KSR2: variants seen among roughly 807,000 people sequenced by gnomAD.
KSR2 encodes kinase suppressor of ras 2.
In KSR2, 25 loss-of-function variants were observed where a neutral mutation model predicts 107.8. The ratio of observed to expected loss-of-function variants is 0.23; its 90% CI spans 0.17 to 0.32. The LOEUF is 0.32. Among genes scored for constraint, KSR2 ranks in the 10% least tolerant of loss-of-function variants. The pLI, the probability that KSR2 is intolerant of heterozygous loss-of-function variation, is 1.00. For synonymous variants in KSR2, 480 were observed against 507.0 expected, an observed-to-expected ratio of 0.95 and a Z score of 0.71; for missense variants, 887 against 1,268.9, an observed-to-expected ratio of 0.70 and a Z score of 4.57.
At chr12:117,666,558 A>G (rs1034358650) in intron 5 of KSR2, among the ~76,000 whole-genome samples, 2 of 152,216 alleles carry the variant, frequency 1.3e-5, no homozygotes, top group African/African-American at 2.4e-5. Flanking sequence ...CAATGGGAAT[A>G]ATCCATCTGC....
chr12:117,664,627 A>C (rs1050410100), intron 5 of KSR2, among the ~76,000 whole-genome samples: 2 of 152,122 alleles, frequency 1.3e-5, no homozygotes, highest in South Asian at 4.2e-4. Context: ...GCCTAGGAAA[A>C]CTCAGTGGCT....
At chr12:117,772,138 C>T (rs1181678726) in intron 3 of KSR2, among the ~76,000 whole-genome samples, 1 of 149,316 alleles carries the variant, frequency 6.7e-6, no homozygotes. Context: ...TACACTCATA[C>T]ATACACACCA....
intron 5 of KSR2, among the ~76,000 whole-genome samples, chr12:117,642,720 G>A (rs947293383): frequency 6.6e-6 from 1 of 152,198 alleles, no homozygotes; most frequent in African/African-American, 2.4e-5. Flanking sequence ...CTGATCTTGT[G>A]ATGACTGAAC....
chr12:117,685,063 T>C (rs1199592064), intron 4 of KSR2, among the ~76,000 whole-genome samples: 1 of 152,164 alleles, frequency 6.6e-6, no homozygotes, highest in Admixed American at 6.5e-5. Context: ...CAATGCTGCC[T>C]CTGCCCCATG....
At chr12:117,740,933 T>C (rs1346257020) in intron 4 of KSR2, among the ~76,000 whole-genome samples, 1 of 152,142 alleles carries the variant, frequency 6.6e-6, no homozygotes, top group East Asian at 1.9e-4. Context: ...GCAGATCTTC[T>C]TGGGGGAATC....
chr12:117,902,095 T>G (rs1593354612), intron 1 of KSR2, among the ~76,000 whole-genome samples: 1 of 152,328 alleles, frequency 6.6e-6, no homozygotes, highest in East Asian at 1.9e-4. Flanking sequence ...TAAATGAATG[T>G]GATTTCGAAC....
rs553702291 is a variant in KSR2 at position 117,793,975 on chromosome 12, A to C, written c.473-32451T>G. Among the ~76,000 whole-genome samples the C allele has an allele frequency of 9.2e-3, 1,146 of 125,010 alleles. 47 individuals are homozygous for C. Among genetic ancestry groups the C allele is most frequent in the African/African-American group, 0.038 (1,081 of 28,330 alleles). 82.0% of individuals were successfully genotyped at this position (125,010 alleles called of 152,430 possible). On this transcript the variant is annotated intron_variant, in intron 3 of 19. Transcript: ENST00000339824. ...TGCGCACACACCAACATGCACACAC[A>C]CCATGCACACATACACCAACATGCA...
chr12:117,527,892 C>T (rs1439727051), intron 12 of KSR2, among the ~76,000 whole-genome samples: 1 of 151,702 alleles, frequency 6.6e-6, no homozygotes, highest in Non-Finnish European at 1.5e-5. Flanking sequence ...TTGCCAATCA[C>T]ATGGAATTAG....
Position 117,463,559 on chromosome 12 carries a change from G to A in KSR2, c.*3640C>T, listed in dbSNP as rs1160032351. ...GTGCTCCAATAACATTTTGTTTATT[G>A]ACATGAAATTTGAATGTTATAGAAT... On this transcript the variant is annotated 3_prime_UTR_variant, in exon 20 of 20. Coordinates refer to ENST00000339824, the MANE Select transcript of KSR2 (RefSeq NM_173598.6). The A allele has an allele frequency of 6.6e-6, 1 of 152,156 alleles. No homozygotes were observed. The highest frequency in any genetic ancestry group is 1.5e-5 in the Non-Finnish European group (1 of 68,022). 9.4% of individuals were successfully genotyped at this position (152,156 alleles called of 1,614,324 possible). A position where few individuals can be genotyped will look rare whatever the true frequency, so the allele number is the denominator to read the frequency against.
intron 7 of KSR2, among the ~76,000 whole-genome samples, chr12:117,560,954 C>T (rs561932957): frequency 6.0e-4 from 91 of 152,272 alleles, no homozygotes; most frequent in African/African-American, 2.1e-3. Context: ...CCTGCAGAAC[C>T]GTGAGCCAAA....
chr12:117,698,692 G>A (rs1322587746), intron 4 of KSR2, among the ~76,000 whole-genome samples: 2 of 152,096 alleles, frequency 1.3e-5, no homozygotes, highest in Non-Finnish European at 2.9e-5. Context: ...CATACACCCA[G>A]ATCCAGAGCT....
At chr12:117,620,353 T>G (rs1244434608) in intron 5 of KSR2, among the ~76,000 whole-genome samples, 1 of 152,166 alleles carries the variant, frequency 6.6e-6, no homozygotes, top group Non-Finnish European at 1.5e-5. Flanking sequence ...TTTGTTAAAC[T>G]GAAACAAATT....
chr12:117,504,830 A>G (rs1293663357), intron 14 of KSR2, among the ~76,000 whole-genome samples: 1 of 152,190 alleles, frequency 6.6e-6, no homozygotes, highest in Non-Finnish European at 1.5e-5. Context: ...ACAGTGACAA[A>G]TTCTGAGATT....
chr12:117,901,964 G>A (rs923947844), intron 1 of KSR2, among the ~76,000 whole-genome samples: 12 of 152,078 alleles, frequency 7.9e-5, no homozygotes, highest in Admixed American at 2.0e-4. Flanking sequence ...CTTTGGCCTC[G>A]TGATCCAATA....
At chr12:117,858,182 A>G (rs939017573) in intron 2 of KSR2, among the ~76,000 whole-genome samples, 1 of 152,216 alleles carries the variant, frequency 6.6e-6, no homozygotes, top group Admixed American at 6.5e-5. Flanking sequence ...ATGTCTGCAT[A>G]TCAGAACCAG....
intron 3 of KSR2, among the ~76,000 whole-genome samples, chr12:117,814,213 A>G (rs901779161): frequency 1.3e-5 from 2 of 152,182 alleles, no homozygotes; most frequent in Admixed American, 6.5e-5. Flanking sequence ...TGGGATGACT[A>G]CAGTTAACAA....
rs779443250 is a variant in KSR2, at chr12:117,855,590, G to A, written c.322-12C>T. On this transcript the variant is annotated splice_polypyrimidine_tract_variant and intron_variant, in intron 2 of 19. Coordinates refer to ENST00000339824, the MANE Select transcript of KSR2 (RefSeq NM_173598.6). ...CCGGGGGAGATTTCCTAGAGGAGGG[G>A]AGAAGGATTGTCAACCGTGGGGCAG... 9.6e-5 allele frequency: 155 copies of A among 1,613,646 alleles called. No homozygotes were observed. Among genetic ancestry groups the A allele is most frequent in the Admixed American group, 1.3e-4 (8 of 59,962 alleles).
Position 117,794,144 on chromosome 12 carries a change from C to A in KSR2, c.473-32620G>T, listed in dbSNP as rs62644116. Among the ~76,000 whole-genome samples, 476 of 61,248 alleles carry A rather than the reference C, an allele frequency of 7.8e-3. 22 individuals carry two copies. Among genetic ancestry groups the A allele is most frequent in the Middle Eastern group, 0.034 (2 of 58 alleles). 40.2% of individuals were successfully genotyped at this position (61,248 alleles called of 152,430 possible). Reference sequence around the variant, plus strand: ...CACACTCACACCAACATGCACACACCCCAACATGCACACATACACCAACAT... The same window carrying A: ...CACACTCACACCAACATGCACACACACCAACATGCACACATACACCAACAT... On this transcript the variant is annotated intron_variant, in intron 3 of 19. Transcript: ENST00000339824.
chr12:117,704,439 G>A (rs1420877506), intron 4 of KSR2, among the ~76,000 whole-genome samples: 1 of 152,158 alleles, frequency 6.6e-6, no homozygotes, highest in African/African-American at 2.4e-5. Flanking sequence ...CCAGACCACT[G>A]GGGAGAGAAG....
Sources: allele counts gnomAD v4.1 joint callset (sites outside exome capture counted in the v4.1 genomes callset), GRCh38; gene constraint gnomAD v4.1.1; transcripts MANE v1.5; gene names NCBI Gene and HGNC (gene_info 2026-07-23, HGNC 2026-07-21).